ALOX12: variants seen among roughly 807,000 people sequenced by gnomAD.
The protein encoded by ALOX12 is arachidonate 12-lipoxygenase, 12S type.
ALOX12 carries 62 observed loss-of-function variants against 85.5 expected under a neutral mutation model. The observed-to-expected ratio is 0.73, with a 90% CI of 0.59 to 0.90. The LOEUF (loss-of-function observed/expected upper bound fraction) is 0.90, where lower values mean the gene tolerates loss of function less well. Ranked by LOEUF, ALOX12 falls within the 40% of genes least tolerant of loss-of-function variation. ALOX12 has a pLI of 0.00. For missense variants in ALOX12, 751 were observed against 856.5 expected (o/e 0.88, Z 1.54); for synonymous variants, 299 against 332.7 (o/e 0.90, Z 1.10).
intron 2 of ALOX12, among the ~76,000 whole-genome samples, chr17:6,998,052 A>C (rs1243638055): frequency 6.6e-6 from 1 of 152,148 alleles, no homozygotes; most frequent in African/African-American, 2.4e-5. Flanking sequence ...AAAAAAAAAA[A>C]AGCAAATGTA....
chr17:7,009,648 C>A (rs11571351), intron 11 of ALOX12, 99 bp from the exon 12 acceptor site: 10 of 1,044,724 alleles, frequency 9.6e-6, no homozygotes, highest in Non-Finnish European at 1.5e-5. Flanking sequence ...ATAAAATAAA[C>A]AAATTCATCA....
rs3218667 is a variant in ALOX12 at position 6,996,310 on chromosome 17, C to T, written c.135+58C>T. The T allele has an allele frequency of 0.58, 702,782 of 1,219,326 alleles. 203,251 individuals are homozygous for T. The highest frequency in any genetic ancestry group is 0.66 in the Admixed American group (15,385 of 23,214). The allele number at this position is 1,219,326 out of a possible 1,614,324, so 75.5% of individuals were successfully genotyped here. A position where few individuals can be genotyped will look rare whatever the true frequency, so the allele number is the denominator to read the frequency against. ...CGGGGACCCCGGGCCCAGGCCCGGGCCGAGCTGGGCTCGCGGCGGGAGGGC... is the reference window on the plus strand; with the variant it reads ...CGGGGACCCCGGGCCCAGGCCCGGGTCGAGCTGGGCTCGCGGCGGGAGGGC... On this transcript the variant is annotated intron_variant, in intron 1 of 13. Transcript: ENST00000251535.
intron 8 of ALOX12, 64 bp from the exon 9 acceptor site, chr17:7,005,193 C>A (rs1430489075): frequency 1.6e-5 from 23 of 1,425,622 alleles, no homozygotes; most frequent in Non-Finnish European, 2.0e-5. Context: ...GGGTGCCAGG[C>A]CCTACCAGGA....
intron 11 of ALOX12, among the ~76,000 whole-genome samples, chr17:7,007,838 G>GCACT: frequency 6.6e-6 from 1 of 152,094 alleles, no homozygotes; most frequent in Non-Finnish European, 1.5e-5. Flanking sequence ...CTGAGATCAC[G>GCACT]CCATTGCACT....
At position 7,000,070 on chromosome 17, in the gene ALOX12, T is replaced by C. The variant is rs1908634678; in HGVS notation, c.808-266T>C. On this transcript the variant is annotated intron_variant, in intron 6 of 13. Transcript: ENST00000251535. This position sits in a 1 kb window ranked among gnomAD's most constrained non-coding sequence, Gnocchi z 4.6. ...CATTTGACAGGTGGTCAGTTTACAA[T>C]GCCTGTGATGCCAACTGGATTGAGC... 6.6e-6 allele frequency among the ~76,000 whole-genome samples: 1 copy of C among 152,194 alleles called. No individual in the cohort carries two copies. Among genetic ancestry groups the C allele is most frequent in the Non-Finnish European group, 1.5e-5 (1 of 68,040 alleles).
In ALOX12 at chr17:7,001,716, G is replaced by A. The variant is rs764359028; in HGVS notation, c.1066G>A (p.Glu356Lys). 13 of 1,614,050 alleles carry A rather than the reference G, an allele frequency of 8.1e-6. No homozygotes were observed. Among genetic ancestry groups the A allele is most frequent in the African/African-American group, 1.3e-5 (1 of 75,008 alleles). The change falls in exon 8 of 14, where the codon GAG becomes AAG. Residue 356 changes from glutamate to lysine, a missense_variant. By Grantham distance (56) the Glu-to-Lys change is moderately conservative. Coordinates refer to ENST00000251535, the MANE Select transcript of ALOX12 (RefSeq NM_000697.3). ...WVRNSDFQLH[E>K]IQYHLLNTHL... ...CCGAAATTCAGATTTCCAACTGCAC[G>A]AGATCCAGTATCACTTGCTGAACAC...
chr17:7,001,980 T>A, intron 8 of ALOX12, 169 bp downstream of exon 8: 1 of 629,514 alleles, frequency 1.6e-6, no homozygotes. Flanking sequence ...TTAAGTTTAG[T>A]CACTTAACAT....
At chr17:6,999,508 A>G (rs1908608285) in intron 6 of ALOX12, 42 bp downstream of exon 6, 1 of 1,602,982 alleles carries the variant, frequency 6.2e-7, no homozygotes, top group African/African-American at 1.3e-5. Context: ...TCTCCTTAGT[A>G]GTGTGGTGAG....
rs368561634 is a variant in ALOX12, at chr17:7,000,399, G to A, written c.871G>A (p.Gly291Arg). The A allele has an allele frequency of 6.2e-7, 1 of 1,614,064 alleles. No homozygotes were observed. Among genetic ancestry groups the A allele is most frequent in the Non-Finnish European group, 8.5e-7 (1 of 1,180,032 alleles). The change falls in exon 7 of 14, where the codon GGA (glycine) becomes AGA (arginine). Residue 291 changes from glycine to arginine, a missense_variant. Physicochemically the swap from Gly to Arg is moderately radical, Grantham distance 125. Transcript: ENST00000251535. This position sits in a 1 kb window ranked among gnomAD's most constrained non-coding sequence, Gnocchi z 4.6. The part of the protein sequence containing the change: ...LDGIPANVIR[G>R]EKQYLAAPLV... The stretch of plus-strand genomic sequence containing the variant: ...TGGAATTCCAGCCAACGTGATCCGA[G>A]GAGAGAAGCAATACCTGGCTGCCCC...
chr17:7,000,548 AC>A lies in ALOX12; in HGVS notation c.951+74del. On this transcript the variant is annotated intron_variant, in intron 7 of 13. Transcript: ENST00000251535. This position sits in a 1 kb window ranked among gnomAD's most constrained non-coding sequence, Gnocchi z 4.6. The stretch of plus-strand genomic sequence containing the variant: ...CTCAACCTCTGCTCCCAGGGACCCA[AC>A]CCCCAGCTCTTGGCTCCCAAACCCC... The A allele has an allele frequency of 1.3e-6, 2 of 1,563,068 alleles. No individual in the cohort carries two copies. Among genetic ancestry groups the A allele is most frequent in the South Asian group, 2.3e-5 (2 of 85,774 alleles).
rs535231112 is a variant in ALOX12, at chr17:7,002,614, C to T, written c.1161+803C>T. 1.3e-4 allele frequency: 56 copies of T among 415,262 alleles called. No individual in the cohort carries two copies. In the Middle Eastern group the frequency reaches 1.7e-3, roughly 13 times the overall value. 25.7% of individuals were successfully genotyped at this position (415,262 alleles called of 1,614,324 possible). On this transcript the variant is annotated intron_variant, in intron 8 of 13. Transcript: ENST00000251535. ...ACCAGCCTGGGCAACACAGCAAGTC[C>T]CGGTCTCTAAATAAAAAGAAAGAAA...
chr17:6,996,754 C>A, intron 1 of ALOX12, 72 bp from the exon 2 acceptor site: 3 of 1,505,436 alleles, frequency 2.0e-6, no homozygotes, highest in Non-Finnish European at 2.7e-6. Context: ...TGCACAGGAG[C>A]GCGGCTCTGT....
At position 7,005,951 on chromosome 17, in the gene ALOX12, G is replaced by C. The variant is rs758997226; in HGVS notation, c.1342G>C (p.Ala448Pro). 6.2e-7 allele frequency: 1 copy of C among 1,613,122 alleles called. No homozygotes were observed. The highest frequency in any genetic ancestry group is 1.1e-5 in the South Asian group (1 of 91,058). Reference sequence around the variant, plus strand: ...CTCCCTCTGTCCTCCTGACGACCTGGCTGACCGGGGCCTGCTGGGACTCCC... The same window carrying C: ...CTCCCTCTGTCCTCCTGACGACCTGCCTGACCGGGGCCTGCTGGGACTCCC... ...YCSLCPPDDL[A>P]DRGLLGLPGA... Residue 448 changes from alanine to proline, a missense_variant, in exon 10 of 14, where the codon GCT becomes CCT. Coordinates refer to ENST00000251535, the MANE Select transcript of ALOX12 (RefSeq NM_000697.3).
At chr17:7,009,098 C>G (rs1909247773) in intron 11 of ALOX12, among the ~76,000 whole-genome samples, 1 of 146,284 alleles carries the variant, frequency 6.8e-6, no homozygotes, top group South Asian at 2.2e-4. Context: ...CTCGTTGTGT[C>G]GCCCAGGCTG....
chr17:7,005,897 C>T lies in ALOX12; in HGVS notation c.1288C>T (p.Arg430Cys), dbSNP rs772153398. ...TGGGGHVQLL[R>C]RAAAQLTYCS... is the part of the protein sequence containing the mutation. The stretch of plus-strand genomic sequence containing the variant: ...TGGAGGGGGCCATGTACAGTTGCTC[C>T]GTCGGGCGGCAGCTCAGCTGACCTA... Residue 430 changes from arginine to cysteine, a missense_variant, in exon 10 of 14, where the codon CGT becomes TGT. Coordinates refer to ENST00000251535, the MANE Select transcript of ALOX12 (RefSeq NM_000697.3). 3.3e-5 allele frequency: 53 copies of T among 1,613,320 alleles called. No homozygotes were observed. The highest frequency in any genetic ancestry group is 3.8e-5 in the Non-Finnish European group (45 of 1,179,940).
intron 2 of ALOX12, among the ~76,000 whole-genome samples, chr17:6,997,502 A>T (rs1349210344): frequency 6.6e-6 from 1 of 152,054 alleles, no homozygotes; most frequent in Non-Finnish European, 1.5e-5. Flanking sequence ...GTGAAAGACA[A>T]GAAGCACACT....
chr17:7,004,319 AAT>A (rs1301973908), intron 8 of ALOX12, among the ~76,000 whole-genome samples: 36 of 5,446 alleles, frequency 6.6e-3, no homozygotes, highest in East Asian at 0.033. Context: ...TTTTAATTTT[AAT>A]ATTAATTTAA....
Position 7,001,774 on chromosome 17 carries a change from C to T in ALOX12, c.1124C>T (p.Thr375Ile). ...GTGGCTGAGGTCATCGCTGTCGCCACCATGCGGTGCCTCCCAGGACTGCAC... is the reference window on the plus strand; with the variant it reads ...GTGGCTGAGGTCATCGCTGTCGCCATCATGCGGTGCCTCCCAGGACTGCAC... ...HLVAEVIAVA[T>I]MRCLPGLHPI... The change falls in exon 8 of 14, where the codon ACC becomes ATC. Residue 375 changes from threonine to isoleucine, a missense_variant. Thr to Ile is a moderately conservative substitution (Grantham distance 89, BLOSUM62 -1). Transcript: ENST00000251535. 6.2e-7 allele frequency: 1 copy of T among 1,614,054 alleles called. No individual in the cohort carries two copies. Among genetic ancestry groups the T allele is most frequent in the Non-Finnish European group, 8.5e-7 (1 of 1,179,984 alleles).
chr17:7,006,060 C>CGTG (rs1909042459), intron 10 of ALOX12, 33 bp downstream of exon 10: 2 of 91,230 alleles, frequency 2.2e-5, no homozygotes. Flanking sequence ...ATGGTGGGGC[C>CGTG]GGGGGGGGGG....
Sources: gnomAD v4.1 joint callset for allele counts (sites outside exome capture counted in the v4.1 genomes callset) on GRCh38, gnomAD v4.1.1 for gene constraint, Gnocchi (gnomAD v3.1) non-coding constraint, MANE v1.5 for transcripts, NCBI Gene and HGNC (gene_info 2026-07-23, HGNC 2026-07-21) for gene names.